Variants in FLT1 observed in about 807,000 individuals in gnomAD.
The protein encoded by FLT1 is vascular endothelial growth factor receptor 1.
FLT1 carries 49 observed loss-of-function variants against 156.3 expected under a neutral mutation model. The observed-to-expected ratio is 0.31, with a 90% CI of 0.25 to 0.40. The LOEUF (loss-of-function observed/expected upper bound fraction) is 0.40, where lower values mean the gene tolerates loss of function less well. Ranked by LOEUF, FLT1 falls within the 10% of genes least tolerant of loss-of-function variation. The pLI is 1.00. For missense variants in FLT1, 1,322 were observed against 1,637.2 expected, an observed-to-expected ratio of 0.81 and a Z score of 3.32; for synonymous variants, 594 against 583.8, an observed-to-expected ratio of 1.02 and a Z score of -0.25.
chr13:28,457,552 A>C lies in FLT1; in HGVS notation c.388+9351T>G, dbSNP rs539171458. Among the ~76,000 whole-genome samples the C allele has an allele frequency of 1.5e-4, 23 of 152,354 alleles. No homozygotes were observed. The South Asian group carries it at 4.4e-3, about 29-fold the overall frequency. ...CAACATAATTCAGCAAAAATACATC[A>C]AATGACACACAACAAATATTTTAAA... On this transcript the variant is annotated intron_variant, in intron 3 of 29. Coordinates refer to ENST00000282397, the MANE Select transcript of FLT1 (RefSeq NM_002019.4).
At chr13:28,456,977 G>A (rs569716515) in intron 3 of FLT1, among the ~76,000 whole-genome samples, 2 of 152,234 alleles carry the variant, frequency 1.3e-5, no homozygotes, top group East Asian at 3.9e-4. Context: ...CACCAAGGGT[G>A]AACCCTCATG....
chr13:28,448,809 T>G (rs1471626857), intron 3 of FLT1, among the ~76,000 whole-genome samples: 1 of 152,186 alleles, frequency 6.6e-6, no homozygotes, highest in Non-Finnish European at 1.5e-5. Flanking sequence ...TTCTTAGAAA[T>G]GATGATCCAC....
intron 10 of FLT1, among the ~76,000 whole-genome samples, chr13:28,422,476 C>T (rs766095056): frequency 7.2e-5 from 11 of 152,316 alleles, no homozygotes; most frequent in Admixed American, 1.3e-4. Context: ...CAAAACAAAA[C>T]TGCAGTAATC....
At chr13:28,321,709 C>T (rs905904754) in intron 22 of FLT1, 124 bp from the exon 23 acceptor site, 40 of 923,736 alleles carry the variant, frequency 4.3e-5, no homozygotes, top group African/African-American at 3.7e-4. Context: ...GAGCACCTCT[C>T]GGTGCACACA....
intron 16 of FLT1, among the ~76,000 whole-genome samples, chr13:28,342,267 C>T (rs1202163202): frequency 4.6e-5 from 7 of 152,068 alleles, no homozygotes; most frequent in African/African-American, 1.2e-4. Context: ...AGGACTAGGG[C>T]GGGCTGTTTT....
rs969649719 is a variant in FLT1, at chr13:28,340,926, A to G, written c.2356-1626T>C. Among the ~76,000 whole-genome samples, 8 of 152,186 alleles carry G rather than the reference A, an allele frequency of 5.3e-5. No individual in the cohort carries two copies. In the South Asian group the frequency reaches 8.3e-4, roughly 16 times the overall value. ...GGCCCGGCCTGCCAGACACTCTGTG[A>G]AGAGTATGAATTCCTATAACAGGGT... On this transcript the variant is annotated intron_variant, in intron 16 of 29. Transcript: ENST00000282397.
chr13:28,311,014 G>T (rs1320433774), intron 27 of FLT1, among the ~76,000 whole-genome samples: 1 of 152,232 alleles, frequency 6.6e-6, no homozygotes, highest in East Asian at 1.9e-4. Flanking sequence ...TTTGAGTGCA[G>T]TCACATAATC....
At chr13:28,382,247 G>C (rs1192739154) in intron 14 of FLT1, among the ~76,000 whole-genome samples, 2 of 152,218 alleles carry the variant, frequency 1.3e-5, no homozygotes, top group African/African-American at 4.8e-5. Flanking sequence ...TGGGTCTTAA[G>C]GGATGCGACA....
At chr13:28,422,110 G>A (rs1277930552) in intron 10 of FLT1, among the ~76,000 whole-genome samples, 1 of 152,202 alleles carries the variant, frequency 6.6e-6, no homozygotes, top group African/African-American at 2.4e-5. Flanking sequence ...CGTGGTTGGT[G>A]CCTAATAAAT....
chr13:28,401,333 A>G (rs138770422), intron 11 of FLT1, among the ~76,000 whole-genome samples: 3 of 152,268 alleles, frequency 2.0e-5, no homozygotes, highest in East Asian at 3.9e-4. Context: ...TCAAGGATTT[A>G]CATGTTAGAG....
chr13:28,449,293 G>A (rs921951045), intron 3 of FLT1, among the ~76,000 whole-genome samples: 9 of 152,136 alleles, frequency 5.9e-5, no homozygotes, highest in African/African-American at 2.2e-4. Flanking sequence ...ATGTCCTTCA[G>A]TTCCTTGTTG....
intron 10 of FLT1, among the ~76,000 whole-genome samples, chr13:28,420,335 G>A (rs1394122663): frequency 2.0e-5 from 3 of 152,206 alleles, no homozygotes; most frequent in African/African-American, 7.2e-5. Flanking sequence ...CTTTGGTCAA[G>A]TGGTCTTCTT....
At position 28,443,269 on chromosome 13, in the gene FLT1, G is replaced by A. The variant is rs189075675; in HGVS notation, c.389-4924C>T. ...TCAGACACAGAGAAAGATCAAACAG[G>A]GACCCTTGCTCAGAATGGAACGATG... On this transcript the variant is annotated intron_variant, in intron 3 of 29. Coordinates refer to ENST00000282397, the MANE Select transcript of FLT1 (RefSeq NM_002019.4). Among the ~76,000 whole-genome samples, 46 of 152,242 alleles carry A rather than the reference G, an allele frequency of 3.0e-4. 1 individual carries two copies. Among genetic ancestry groups the A allele is most frequent in the Middle Eastern group, 6.8e-3 (2 of 294 alleles).
intron 10 of FLT1, among the ~76,000 whole-genome samples, chr13:28,412,638 CTCG>C (rs1174010908): frequency 6.6e-6 from 1 of 151,252 alleles, no homozygotes; most frequent in Non-Finnish European, 1.5e-5. Context: ...CCAGGCTGGT[CTCG>C]AACTCCTGAC....
chr13:28,438,109 T>A (rs1361667102), intron 4 of FLT1, 112 bp downstream of exon 4: 13 of 1,066,418 alleles, frequency 1.2e-5, no homozygotes, highest in Non-Finnish European at 1.6e-5. Flanking sequence ...GAAAGTCCAC[T>A]GAGAAGCCCA....
intron 1 of FLT1, among the ~76,000 whole-genome samples, chr13:28,479,966 A>G (rs553986107): frequency 2.0e-5 from 3 of 152,368 alleles, no homozygotes; most frequent in South Asian, 4.1e-4. Flanking sequence ...AAACCAAAGT[A>G]GAAGTTACAT....
intron 1 of FLT1, among the ~76,000 whole-genome samples, chr13:28,479,835 AT>A (rs1252889817): frequency 6.6e-6 from 1 of 152,220 alleles, no homozygotes; most frequent in East Asian, 1.9e-4. Context: ...TTTTTTAAAA[AT>A]ATCATCCAAG....
At chr13:28,303,493 C>CCG in intron 29 of FLT1, 125 bp from the exon 30 acceptor site, 5 of 321,400 alleles carry the variant, frequency 1.6e-5, no homozygotes, top group South Asian at 9.1e-5. Flanking sequence ...GGTTTTGGAA[C>CCG]CCCCCCCCCC....
In FLT1 at chr13:28,457,255, G is replaced by A. The variant is rs73455424; in HGVS notation, c.388+9648C>T. Among the ~76,000 whole-genome samples the A allele has an allele frequency of 7.3e-3, 1,108 of 152,220 alleles. 18 individuals carry two copies. The highest frequency in any genetic ancestry group is 0.025 in the African/African-American group (1,055 of 41,538). On this transcript the variant is annotated intron_variant, in intron 3 of 29. Coordinates refer to ENST00000282397, the MANE Select transcript of FLT1 (RefSeq NM_002019.4). ...GCACTACTTCACAGGGTTGTTGTAA[G>A]GATAAAATCTGTTAATGAATGCAAA...
Sources: allele counts gnomAD v4.1 joint callset (sites outside exome capture counted in the v4.1 genomes callset), GRCh38; gene constraint gnomAD v4.1.1; transcripts MANE v1.5; gene names NCBI Gene and HGNC (gene_info 2026-07-23, HGNC 2026-07-21).